ZFAND3: variants seen among roughly 807,000 people sequenced by gnomAD.
ZFAND3 encodes zinc finger AN1-type containing 3, also known as AN1-type zinc finger protein 3.
In ZFAND3, 10 loss-of-function variants were observed where a neutral mutation model predicts 29.6. The ratio of observed to expected loss-of-function variants is 0.34; its 90% CI spans 0.21 to 0.57. The LOEUF is 0.57. ZFAND3 is among the 20% of genes least tolerant of loss of function. The probability of loss-of-function intolerance (pLI) is 0.86; values close to 1 mark genes in which losing one functional copy is unlikely to be tolerated. For missense variants in ZFAND3, 230 were observed against 304.5 expected (o/e 0.76, Z 1.82); for synonymous variants, 128 against 112.6 (o/e 1.14, Z -0.87).
At chr6:37,886,194 C>CAT (rs1561922338) in intron 1 of ZFAND3, among the ~76,000 whole-genome samples, 3 of 118,854 alleles carry the variant, frequency 2.5e-5, no homozygotes, top group Non-Finnish European at 4.9e-5. Flanking sequence ...GCTGAGATTG[C>CAT]GCCACTGCAC....
intron 1 of ZFAND3, among the ~76,000 whole-genome samples, chr6:37,916,489 C>T (rs917414814): frequency 1.4e-5 from 2 of 140,996 alleles, no homozygotes; most frequent in African/African-American, 5.0e-5. Context: ...GAAACGCTGT[C>T]TCTACTAAAA....
chr6:37,937,973 T>A (rs888778121), intron 2 of ZFAND3, among the ~76,000 whole-genome samples: 1 of 152,214 alleles, frequency 6.6e-6, no homozygotes, highest in Non-Finnish European at 1.5e-5. Context: ...CAAATGTTAA[T>A]GTTTTGCCTT....
At chr6:38,076,160 G>A (rs1356417289) in intron 3 of ZFAND3, among the ~76,000 whole-genome samples, 1 of 152,064 alleles carries the variant, frequency 6.6e-6, no homozygotes, top group Non-Finnish European at 1.5e-5. Context: ...TCACTAGCAA[G>A]AAGAGTATGA....
At chr6:37,927,994 T>A (rs1761520121) in intron 1 of ZFAND3, among the ~76,000 whole-genome samples, 2 of 152,244 alleles carry the variant, frequency 1.3e-5, no homozygotes, top group Admixed American at 1.3e-4. Context: ...CCTGCCACAT[T>A]ATAGGCATGT....
At chr6:37,959,746 T>C (rs1292122188) in intron 2 of ZFAND3, among the ~76,000 whole-genome samples, 1 of 152,198 alleles carries the variant, frequency 6.6e-6, no homozygotes, top group East Asian at 1.9e-4. Context: ...TGAAAGTCTT[T>C]CCATTAACTT....
chr6:38,113,239 C>T (rs6929371), intron 4 of ZFAND3, among the ~76,000 whole-genome samples: 95,698 of 152,010 alleles, frequency 0.63, 30,917 homozygotes, highest in African/African-American at 0.75. Context: ...GCCCAGACTT[C>T]CTGTACATGG....
chr6:38,091,163 C>A (rs142991743), intron 4 of ZFAND3, among the ~76,000 whole-genome samples: 1 of 152,282 alleles, frequency 6.6e-6, no homozygotes, highest in African/African-American at 2.4e-5. Flanking sequence ...CGAAGGGAAG[C>A]GTCATGTGGC....
chr6:37,898,987 C>A (rs2127399998), intron 1 of ZFAND3, among the ~76,000 whole-genome samples: 1 of 152,254 alleles, frequency 6.6e-6, no homozygotes, highest in South Asian at 2.1e-4. Flanking sequence ...GCTCTGCCTC[C>A]CGGGTTCACG....
chr6:38,087,250 T>G (rs1233163129), intron 4 of ZFAND3, among the ~76,000 whole-genome samples: 1 of 152,126 alleles, frequency 6.6e-6, no homozygotes, highest in African/African-American at 2.4e-5. Context: ...AAGAAAAGAT[T>G]GGGAGAAATA....
intron 1 of ZFAND3, among the ~76,000 whole-genome samples, chr6:37,908,321 C>G (rs914190265): frequency 6.6e-6 from 1 of 152,044 alleles, no homozygotes; most frequent in African/African-American, 2.4e-5. Flanking sequence ...TAGCACAGAT[C>G]TAAAAATACC....
intron 1 of ZFAND3, among the ~76,000 whole-genome samples, chr6:37,907,675 A>G (rs892188258): frequency 6.6e-5 from 10 of 152,182 alleles, no homozygotes; most frequent in East Asian, 1.9e-4. Context: ...ATTATGCATA[A>G]TGAACATTCA....
chr6:37,887,384 A>C lies in ZFAND3; in HGVS notation c.72-42575A>C, dbSNP rs141322033. Among the ~76,000 whole-genome samples, 76 of 152,352 alleles carry C rather than the reference A, an allele frequency of 5.0e-4. No homozygotes were observed. In the East Asian group the frequency reaches 0.01, roughly 20 times the overall value. On this transcript the variant is annotated intron_variant, in intron 1 of 5. Coordinates refer to ENST00000287218, the MANE Select transcript of ZFAND3 (RefSeq NM_021943.3). ...TCAAAATCATGAGTACTTTGTACCA[A>C]CTAAAGCATTTGTTTTATATCAAAA...
chr6:38,134,124 AT>A (rs1164797770), intron 5 of ZFAND3, among the ~76,000 whole-genome samples: 1 of 152,196 alleles, frequency 6.6e-6, no homozygotes, highest in Non-Finnish European at 1.5e-5. Context: ...CGAATGCCAC[AT>A]CTAGATAAGA....
chr6:37,943,910 A>G (rs1234893602), intron 2 of ZFAND3, among the ~76,000 whole-genome samples: 1 of 152,198 alleles, frequency 6.6e-6, no homozygotes, highest in East Asian at 1.9e-4. Flanking sequence ...TTCTCCTTCC[A>G]GTGTTACATG....
intron 2 of ZFAND3, among the ~76,000 whole-genome samples, chr6:37,957,681 C>T (rs988817006): frequency 1.3e-5 from 2 of 151,994 alleles, no homozygotes; most frequent in South Asian, 2.1e-4. Context: ...ATAGAGTTGC[C>T]AGCTACTTTT....
chr6:37,899,814 A>G (rs1765285881), intron 1 of ZFAND3, among the ~76,000 whole-genome samples: 1 of 152,214 alleles, frequency 6.6e-6, no homozygotes, highest in Non-Finnish European at 1.5e-5. Flanking sequence ...ACTTCCGTTC[A>G]CAGTTCCATT....
intron 2 of ZFAND3, among the ~76,000 whole-genome samples, chr6:37,937,143 A>G (rs1351209365): frequency 1.3e-5 from 2 of 152,212 alleles, no homozygotes; most frequent in African/African-American, 2.4e-5. Context: ...TTGAAAAGCA[A>G]AGAGTTGTAG....
At chr6:38,132,081 A>G (rs993510545) in intron 5 of ZFAND3, among the ~76,000 whole-genome samples, 1 of 152,252 alleles carries the variant, frequency 6.6e-6, no homozygotes, top group Non-Finnish European at 1.5e-5. Context: ...ATGCTGTCAG[A>G]TAGGGTAGTG....
intron 4 of ZFAND3, among the ~76,000 whole-genome samples, chr6:38,110,109 A>G (rs532718851): frequency 6.6e-6 from 1 of 152,292 alleles, no homozygotes; most frequent in South Asian, 2.1e-4. Flanking sequence ...GCATCCTAGG[A>G]GTATTTCAAG....
Sources: allele counts gnomAD v4.1 joint callset (sites outside exome capture counted in the v4.1 genomes callset), GRCh38; gene constraint gnomAD v4.1.1; transcripts MANE v1.5; gene names NCBI Gene and HGNC (gene_info 2026-07-23, HGNC 2026-07-21).